FCHSD2: variants seen among roughly 807,000 people sequenced by gnomAD.
The protein encoded by FCHSD2 is FCH and double SH3 domains 2, also known as F-BAR and double SH3 domains protein 2.
FCHSD2 carries 38 observed loss-of-function variants against 108.1 expected under a neutral mutation model. That is an observed-to-expected ratio of 0.35 (90% CI 0.27 to 0.46). The LOEUF (loss-of-function observed/expected upper bound fraction) is 0.46, where lower values mean the gene tolerates loss of function less well. FCHSD2 is among the 20% of genes least tolerant of loss of function. The pLI is 1.00. For missense variants in FCHSD2, 751 were observed against 897.8 expected (o/e 0.84, Z 2.09); for synonymous variants, 279 against 314.7 (o/e 0.89, Z 1.20).
At chr11:72,969,114 C>A (rs1397031489) in intron 8 of FCHSD2, among the ~76,000 whole-genome samples, 1 of 152,120 alleles carries the variant, frequency 6.6e-6, no homozygotes, top group Non-Finnish European at 1.5e-5. Flanking sequence ...TTCTCAGACT[C>A]CAGATGTCTC....
At chr11:72,964,955 A>T (rs1003279918) in intron 8 of FCHSD2, among the ~76,000 whole-genome samples, 1 of 151,900 alleles carries the variant, frequency 6.6e-6, no homozygotes, top group Non-Finnish European at 1.5e-5. Context: ...ACACCCGGCT[A>T]ATTTTTTGTA....
At chr11:73,083,172 T>C (rs559940860) in intron 3 of FCHSD2, among the ~76,000 whole-genome samples, 19 of 152,326 alleles carry the variant, frequency 1.2e-4, no homozygotes, top group African/African-American at 4.6e-4. Flanking sequence ...TTTACAAATA[T>C]AGTAAATAAT....
At chr11:73,047,305 T>C (rs1003413339) in intron 3 of FCHSD2, among the ~76,000 whole-genome samples, 30 of 152,088 alleles carry the variant, frequency 2.0e-4, no homozygotes, top group African/African-American at 6.8e-4. Flanking sequence ...AGAAGCTACA[T>C]ACCTAAATGA....
At chr11:73,137,886 G>A (rs542019926) in intron 2 of FCHSD2, among the ~76,000 whole-genome samples, 1 of 152,338 alleles carries the variant, frequency 6.6e-6, no homozygotes, top group African/African-American at 2.4e-5. Context: ...GGGTTGCAGA[G>A]AACCATATAT....
Position 73,043,986 on chromosome 11 carries a change from G to C in FCHSD2, c.166-28101C>G, listed in dbSNP as rs528373245. Among the ~76,000 whole-genome samples the C allele has an allele frequency of 7.9e-4, 120 of 152,306 alleles. 1 individual carries two copies. The highest frequency in any genetic ancestry group is 2.9e-3 in the African/African-American group (119 of 41,576). ...ATTTTGGCAACAAACTATTAGGTGA[G>C]TGAGAAATAAATTTCTTTTTATAAG... On this transcript the variant is annotated intron_variant, in intron 3 of 19. Coordinates refer to ENST00000409418, the MANE Select transcript of FCHSD2 (RefSeq NM_014824.3).
At chr11:72,943,112 C>T (rs1856453951) in intron 8 of FCHSD2, among the ~76,000 whole-genome samples, 1 of 152,188 alleles carries the variant, frequency 6.6e-6, no homozygotes, top group Non-Finnish European at 1.5e-5. Flanking sequence ...CTTCCTTGGC[C>T]TCCTGAGTAG....
chr11:73,083,052 T>C (rs1359303082), intron 3 of FCHSD2, among the ~76,000 whole-genome samples: 1 of 152,158 alleles, frequency 6.6e-6, no homozygotes, highest in Non-Finnish European at 1.5e-5. Context: ...TAATGAGAAC[T>C]AAATGCGTGA....
At chr11:72,859,367 T>C (rs578010128) in intron 13 of FCHSD2, among the ~76,000 whole-genome samples, 6 of 152,320 alleles carry the variant, frequency 3.9e-5, no homozygotes, top group African/African-American at 1.4e-4. Context: ...ATCTCGGTTA[T>C]CCCAATTGAC....
At chr11:73,048,781 T>C (rs1297707859) in intron 3 of FCHSD2, among the ~76,000 whole-genome samples, 1 of 152,204 alleles carries the variant, frequency 6.6e-6, no homozygotes, top group Admixed American at 6.5e-5. Context: ...GATGTATGTA[T>C]AGTTCACCTC....
intron 5 of FCHSD2, among the ~76,000 whole-genome samples, chr11:72,996,894 T>G (rs1174768911): frequency 3.3e-5 from 5 of 152,194 alleles, no homozygotes; most frequent in African/African-American, 4.8e-5. Flanking sequence ...AAATTCAACT[T>G]AATGTTTTTC....
chr11:72,846,284 A>T (rs1861140344), intron 14 of FCHSD2, among the ~76,000 whole-genome samples: 1 of 151,164 alleles, frequency 6.6e-6, no homozygotes, highest in Non-Finnish European at 1.5e-5. Flanking sequence ...AGGTTCAAGA[A>T]ATTCTCCTGC....
chr11:72,870,972 T>A (rs1050482298), intron 12 of FCHSD2, among the ~76,000 whole-genome samples: 1 of 151,176 alleles, frequency 6.6e-6, no homozygotes, highest in Non-Finnish European at 1.5e-5. Flanking sequence ...GTTTGTTGAC[T>A]AACAGTAATG....
At chr11:73,006,216 A>G (rs1383141276) in intron 4 of FCHSD2, among the ~76,000 whole-genome samples, 1 of 152,090 alleles carries the variant, frequency 6.6e-6, no homozygotes, top group African/African-American at 2.4e-5. Context: ...CCAATTCCTG[A>G]ATTTTTAATT....
intron 3 of FCHSD2, among the ~76,000 whole-genome samples, chr11:73,037,100 C>G (rs1406898477): frequency 6.6e-6 from 1 of 152,142 alleles, no homozygotes; most frequent in African/African-American, 2.4e-5. Flanking sequence ...TCTTGATACT[C>G]ACATTTTTTA....
At chr11:73,083,597 G>A (rs908050378) in intron 3 of FCHSD2, 98 bp downstream of exon 3, 5 of 656,568 alleles carry the variant, frequency 7.6e-6, no homozygotes, top group African/African-American at 5.6e-5. Context: ...AGAAAAGGAA[G>A]GCATAGGGAT....
chr11:72,963,789 G>A (rs1033412984), intron 8 of FCHSD2, among the ~76,000 whole-genome samples: 1 of 152,170 alleles, frequency 6.6e-6, no homozygotes, highest in African/African-American at 2.4e-5. Context: ...AGGAGGTGGA[G>A]CTCAGGCAGT....
chr11:73,102,183 A>AC (rs147757013), intron 2 of FCHSD2, among the ~76,000 whole-genome samples: 2,059 of 152,308 alleles, frequency 0.014, 48 homozygotes, highest in African/African-American at 0.045. Flanking sequence ...ATACCACTGA[A>AC]CACCCACTAG....
At chr11:73,060,035 T>TA (rs1488249759) in intron 3 of FCHSD2, among the ~76,000 whole-genome samples, 3 of 152,206 alleles carry the variant, frequency 2.0e-5, no homozygotes, top group Middle Eastern at 3.2e-3. Flanking sequence ...CTATCCTTAC[T>TA]AAAATGTTCT....
At chr11:72,965,733 AC>A (rs1179839740) in intron 8 of FCHSD2, among the ~76,000 whole-genome samples, 2 of 152,206 alleles carry the variant, frequency 1.3e-5, no homozygotes, top group East Asian at 3.8e-4. Flanking sequence ...ACCCAAGATA[AC>A]CATTGTTCTG....
Sources: gnomAD v4.1 joint callset for allele counts (sites outside exome capture counted in the v4.1 genomes callset) on GRCh38, gnomAD v4.1.1 for gene constraint, MANE v1.5 for transcripts, NCBI Gene and HGNC (gene_info 2026-07-23, HGNC 2026-07-21) for gene names.